Variants in IMMT observed in about 807,000 individuals in gnomAD.
IMMT encodes the protein inner membrane mitochondrial protein, also known as MICOS complex subunit MIC60.
Under a neutral mutation model 92.7 loss-of-function variants are expected in IMMT, and 40 were observed. That is an observed-to-expected ratio of 0.43 (90% CI 0.34 to 0.56). IMMT has a LOEUF of 0.56. Among genes scored for constraint, IMMT ranks in the 20% least tolerant of loss-of-function variants. IMMT has a pLI of 0.03. For missense variants in IMMT, 831 were observed against 912.1 expected (o/e 0.91, Z 1.14); for synonymous variants, 322 against 336.1 (o/e 0.96, Z 0.46).
chr2:86,144,118 A>G lies in IMMT; in HGVS notation c.*150T>C, dbSNP rs528241458. The stretch of plus-strand genomic sequence containing the variant: ...ACTGACATGATAGCAAATGGAAAGA[A>G]TATAAATGCAACAGGTGTTAACATT... On this transcript the variant is annotated 3_prime_UTR_variant, in exon 15 of 15. Coordinates refer to ENST00000410111, the MANE Select transcript of IMMT (RefSeq NM_006839.3). 6.1e-5 allele frequency: 49 copies of G among 797,126 alleles called. No homozygotes were observed. In the African/African-American group the frequency reaches 8.1e-4, roughly 13 times the overall value. The allele number at this position is 797,126 out of a possible 1,614,324, so 49.4% of individuals were successfully genotyped here.
chr2:86,177,587 C>T (rs552065638), intron 3 of IMMT, among the ~76,000 whole-genome samples: 39 of 150,140 alleles, frequency 2.6e-4, no homozygotes, highest in African/African-American at 9.1e-4. Flanking sequence ...GGCGACAGAA[C>T]GAGACTCTGT....
At chr2:86,187,491 CA>C (rs1672853072) in intron 1 of IMMT, among the ~76,000 whole-genome samples, 1 of 152,196 alleles carries the variant, frequency 6.6e-6, no homozygotes. Flanking sequence ...TGGGTTGCCT[CA>C]CCTTTTGGCT....
chr2:86,163,406 T>G (rs1001209254), intron 7 of IMMT, among the ~76,000 whole-genome samples: 1 of 152,202 alleles, frequency 6.6e-6, no homozygotes, highest in African/African-American at 2.4e-5. Context: ...GCACAGATAA[T>G]ATTCAAGAGA....
chr2:86,147,669 A>G lies in IMMT; in HGVS notation c.1533+33T>C. The G allele has an allele frequency of 5.0e-6, 8 of 1,593,300 alleles. No individual in the cohort carries two copies. The South Asian group carries it at 9.1e-5, about 18-fold the overall frequency. On this transcript the variant is annotated intron_variant, in intron 13 of 14. Transcript: ENST00000410111. ...AGAGTCTCTTAATCCTGTCAGGAAG[A>G]GGGGTGTGGCTGAAGGGAGTCCAGG... is the stretch of plus-strand genomic sequence containing the variant.
rs548110223 is a variant in IMMT, at chr2:86,161,291, C to T, written c.896+685G>A. On this transcript the variant is annotated intron_variant, in intron 8 of 14. Transcript: ENST00000410111. The stretch of plus-strand genomic sequence containing the variant: ...ATTCTCCTACCTCAGCCTCCCGAGT[C>T]GCTGGGACTACAGGCGCATGCCACC... 1.2e-3 allele frequency among the ~76,000 whole-genome samples: 186 copies of T among 151,068 alleles called. 1 individual carries two copies. The highest frequency in any genetic ancestry group is 4.2e-3 in the African/African-American group (174 of 41,176).
Position 86,166,647 on chromosome 2 carries a change from TA to T in IMMT, c.656-4del, listed in dbSNP as rs745391324. 0.11 allele frequency: 100,371 copies of T among 910,662 alleles called. 5 individuals are homozygous for T. The highest frequency in any genetic ancestry group is 0.17 in the South Asian group (9,132 of 53,430). The allele number at this position is 910,662 out of a possible 1,614,324, so 56.4% of individuals were successfully genotyped here. ...ATCTTCTAAGCTCTTGGCTAGAGCT[TA>T]AAAAAAAAAAAGAACAGTTAAAAAA... On this transcript the variant is annotated splice_region_variant and splice_polypyrimidine_tract_variant and intron_variant, in intron 6 of 14. Coordinates refer to ENST00000410111, the MANE Select transcript of IMMT (RefSeq NM_006839.3).
chr2:86,156,111 C>A (rs1221257590), intron 10 of IMMT, among the ~76,000 whole-genome samples: 1 of 152,110 alleles, frequency 6.6e-6, no homozygotes, highest in East Asian at 1.9e-4. Context: ...CTGGTCCGGA[C>A]AGTTCTCTGC....
intron 1 of IMMT, chr2:86,193,245 A>T (rs1673279598): frequency 6.6e-6 from 1 of 151,792 alleles, no homozygotes; most frequent in Non-Finnish European, 1.5e-5. Flanking sequence ...CTCTACAAAA[A>T]TTTTTTAAAA....
rs144377202 is a variant in IMMT at position 86,190,215 on chromosome 2, C to T, written c.45+5123G>A. Among the ~76,000 whole-genome samples, 162 of 152,280 alleles carry T rather than the reference C, an allele frequency of 1.1e-3. 2 individuals are homozygous for T. The highest frequency in any genetic ancestry group is 1.8e-3 in the Non-Finnish European group (122 of 68,022). On this transcript the variant is annotated intron_variant, in intron 1 of 14. Transcript: ENST00000410111. ...TGATCTACTAAACTACTTTCTAGCA[C>T]GTGTGGTTGGCTGCCTATCTCTATC...
At chr2:86,186,318 T>C (rs1365926227) in intron 1 of IMMT, among the ~76,000 whole-genome samples, 1 of 152,170 alleles carries the variant, frequency 6.6e-6, no homozygotes, top group African/African-American at 2.4e-5. Flanking sequence ...TCCAGAAGGC[T>C]GAGGATAATA....
chr2:86,185,787 G>A (rs887151797), intron 1 of IMMT, among the ~76,000 whole-genome samples: 2 of 152,198 alleles, frequency 1.3e-5, no homozygotes, highest in African/African-American at 2.4e-5. Flanking sequence ...CTACAGACAG[G>A]AAGTAGGCTG....
intron 2 of IMMT, among the ~76,000 whole-genome samples, 178 bp from the exon 3 acceptor site, chr2:86,179,800 C>G (rs937650425): frequency 6.6e-6 from 1 of 152,164 alleles, no homozygotes; most frequent in Non-Finnish European, 1.5e-5. Flanking sequence ...TTGTTTATAA[C>G]ATGTTGCCAC....
In IMMT at chr2:86,144,519, G is replaced by A. The variant is rs746782628; in HGVS notation, c.2026C>T (p.Pro676Ser). 1 of 1,614,000 alleles carries A rather than the reference G, an allele frequency of 6.2e-7. No homozygotes were observed. Residue 676 changes from proline (P) to serine (S), a missense_variant, in exon 15 of 15, where the codon CCG becomes TCG. Transcript: ENST00000410111. ...LLLFPPQQLK[P>S]PPELCPEDIN... is the part of the protein sequence containing the mutation. ...TCCTCAGGGCAGAGCTCTGGGGGCG[G>A]CTTCAGTTGCTGAGGTGGGAATAGG...
At chr2:86,158,493 G>A in intron 10 of IMMT, 99 bp downstream of exon 10, 2 of 970,628 alleles carry the variant, frequency 2.1e-6, no homozygotes, top group Non-Finnish European at 3.1e-6. Context: ...ATGCATGCAT[G>A]CCAGAGGGAT....
rs1342520778 is a variant in IMMT, at chr2:86,147,836, G to A, written c.1402-3C>T. ...ATGGCATCTCTGACTTCTTCTATCT[G>A]TGAAACCAAACATAGTAGTTATTAG... On this transcript the variant is annotated splice_polypyrimidine_tract_variant and splice_region_variant and intron_variant, in intron 12 of 14. Transcript: ENST00000410111. 13 of 1,612,938 alleles carry A rather than the reference G, an allele frequency of 8.1e-6. No homozygotes were observed. The highest frequency in any genetic ancestry group is 1.6e-4 in the Middle Eastern group (1 of 6,084).
At chr2:86,159,320 A>G (rs1184584486) in intron 9 of IMMT, 2 of 596,090 alleles carry the variant, frequency 3.4e-6, no homozygotes, top group African/African-American at 1.9e-5. Context: ...CCTGGGCTCA[A>G]GTTATCTGCC....
chr2:86,163,749 G>T (rs1344233294), intron 7 of IMMT, among the ~76,000 whole-genome samples: 2 of 151,904 alleles, frequency 1.3e-5, no homozygotes, highest in Non-Finnish European at 2.9e-5. Context: ...GAGGTGAGCA[G>T]ATCACCTGAG....
intron 6 of IMMT, among the ~76,000 whole-genome samples, chr2:86,167,194 C>CTTTTT (rs1676749910): frequency 8.7e-6 from 1 of 114,604 alleles, no homozygotes; most frequent in Admixed American, 1.0e-4. Flanking sequence ...TTTTTTGAGA[C>CTTTTT]AGAGTCTCGC....
intron 10 of IMMT, chr2:86,158,272 A>ATATT: frequency 5.4e-6 from 1 of 185,922 alleles, no homozygotes; most frequent in Admixed American, 5.3e-5. Flanking sequence ...ATATTTCAGT[A>ATATT]GTGTCAAGGT....
Sources: gnomAD v4.1 joint callset for allele counts (sites outside exome capture counted in the v4.1 genomes callset) on GRCh38, gnomAD v4.1.1 for gene constraint, MANE v1.5 for transcripts, NCBI Gene and HGNC (gene_info 2026-07-23, HGNC 2026-07-21) for gene names.